Variants in ZCCHC17 observed in about 807,000 individuals in gnomAD.
The protein encoded by ZCCHC17 is zinc finger CCHC domain-containing protein 17.
A neutral mutation model predicts 30.6 loss-of-function variants in ZCCHC17; 18 were observed. That is an observed-to-expected ratio of 0.59 (90% CI 0.41 to 0.87). ZCCHC17 has a LOEUF of 0.87. Ranked by LOEUF, ZCCHC17 falls within the 40% of genes least tolerant of loss-of-function variation. The pLI is 0.00. For synonymous variants in ZCCHC17, 88 were observed against 92.4 expected, an observed-to-expected ratio of 0.95 and a Z score of 0.27; for missense variants, 263 against 284.2, an observed-to-expected ratio of 0.93 and a Z score of 0.54.
intron 3 of ZCCHC17, among the ~76,000 whole-genome samples, chr1:31,331,325 T>C (rs983778606): frequency 6.6e-6 from 1 of 151,818 alleles, no homozygotes; most frequent in Non-Finnish European, 1.5e-5. Context: ...ATTTTTTTTT[T>C]AGTAGAGACG....
At chr1:31,351,941 C>G (rs1035401176) in intron 7 of ZCCHC17, among the ~76,000 whole-genome samples, 1 of 152,194 alleles carries the variant, frequency 6.6e-6, no homozygotes, top group African/African-American at 2.4e-5. Context: ...ATCTGCATTG[C>G]TATTCTTGAC....
At chr1:31,346,609 G>A in intron 5 of ZCCHC17, 31 bp from the exon 6 acceptor site, 4 of 1,583,124 alleles carry the variant, frequency 2.5e-6, no homozygotes, top group Non-Finnish European at 2.6e-6. Context: ...TCTCTTAAGG[G>A]GGCCGGCAGT....
chr1:31,353,901 C>A (rs1224431830), intron 7 of ZCCHC17, among the ~76,000 whole-genome samples: 1 of 152,088 alleles, frequency 6.6e-6, no homozygotes, highest in Admixed American at 6.6e-5. Flanking sequence ...AATTGTGGAT[C>A]CTCCAGCTTT....
intron 6 of ZCCHC17, chr1:31,346,961 C>A: frequency 2.1e-6 from 2 of 933,648 alleles, no homozygotes; most frequent in Non-Finnish European, 1.6e-6. Context: ...ACCACTACCA[C>A]CACTCCTCCC....
chr1:31,298,800 A>T (rs1325102351), intron 1 of ZCCHC17, among the ~76,000 whole-genome samples: 1 of 152,204 alleles, frequency 6.6e-6, no homozygotes, highest in African/African-American at 2.4e-5. Flanking sequence ...GGAATATAAA[A>T]TTGGGCATAA....
At position 31,346,641 on chromosome 1, in the gene ZCCHC17, CA is replaced by C; in HGVS notation, c.321del (p.Glu108LysfsTer22). The C allele has an allele frequency of 1.9e-6, 3 of 1,607,530 alleles. No homozygotes were observed. Among genetic ancestry groups the C allele is most frequent in the Non-Finnish European group, 2.6e-6 (3 of 1,175,330 alleles). ...CAGTCGGTATCTTTTTCATTATAGG[CA>C]AGAAGAGAGGCGGAGGCGATCCTTC... is the stretch of plus-strand genomic sequence containing the variant. ...DLDPNNVIIE[Q>X]EERRRRSFQD... On this transcript the variant is annotated frameshift_variant and splice_region_variant, in exon 6 of 8. Coordinates refer to ENST00000344147, the MANE Select transcript of ZCCHC17 (RefSeq NM_016505.4). LOFTEE classifies it high-confidence loss of function.
intron 3 of ZCCHC17, among the ~76,000 whole-genome samples, chr1:31,325,669 C>T (rs1323139112): frequency 6.6e-6 from 1 of 152,208 alleles, no homozygotes; most frequent in Non-Finnish European, 1.5e-5. Context: ...GGATCTGGGA[C>T]GGCAGCATGA....
intron 2 of ZCCHC17, among the ~76,000 whole-genome samples, chr1:31,316,700 C>T (rs1194552990): frequency 6.6e-6 from 1 of 152,192 alleles, no homozygotes; most frequent in Non-Finnish European, 1.5e-5. Flanking sequence ...TCTCTGAAGT[C>T]ATTTCTTTGG....
At chr1:31,353,626 ACG>A (rs1489488534) in intron 7 of ZCCHC17, among the ~76,000 whole-genome samples, 2 of 152,100 alleles carry the variant, frequency 1.3e-5, no homozygotes, top group Non-Finnish European at 1.5e-5. Context: ...TTTAGCTCTT[ACG>A]TTTAGGTCTT....
chr1:31,359,220 G>A (rs1299616111), intron 7 of ZCCHC17, among the ~76,000 whole-genome samples: 2 of 152,064 alleles, frequency 1.3e-5, no homozygotes, highest in Non-Finnish European at 2.9e-5. Flanking sequence ...CCTGCCTTTA[G>A]AAAATTAAGT....
At chr1:31,342,518 G>A (rs1569879674) in intron 5 of ZCCHC17, among the ~76,000 whole-genome samples, 1 of 152,176 alleles carries the variant, frequency 6.6e-6, no homozygotes, top group African/African-American at 2.4e-5. Flanking sequence ...GGATGAAACC[G>A]TTCCACCTTA....
In ZCCHC17 at chr1:31,310,162, G is replaced by C; in HGVS notation, c.64G>C (p.Glu22Gln). The C allele has an allele frequency of 6.2e-7, 1 of 1,614,072 alleles. No homozygotes were observed. Among genetic ancestry groups the C allele is most frequent in the Non-Finnish European group, 8.5e-7 (1 of 1,179,978 alleles). ...TGCTCTCTACACTATTTTCCAAGGA[G>C]AGGTATATTCTTTTGTGCTTTGAAA... is the stretch of plus-strand genomic sequence containing the variant. ...LPALYTIFQG[E>Q]VAMVTDYGAF... Residue 22 changes from glutamate (E) to glutamine (Q), a missense_variant and splice_region_variant, in exon 2 of 8, where the codon GAG becomes CAG. By Grantham distance (29) the Glu-to-Gln change is conservative (BLOSUM62 2). Transcript: ENST00000344147.
intron 5 of ZCCHC17, among the ~76,000 whole-genome samples, chr1:31,343,969 C>A (rs1639147077): frequency 1.3e-5 from 2 of 151,120 alleles, no homozygotes; most frequent in Admixed American, 1.3e-4. Flanking sequence ...ATTCTCCTGC[C>A]TCAGCCTCCC....
At chr1:31,297,566 T>A (rs1034667625) in intron 1 of ZCCHC17, among the ~76,000 whole-genome samples, 1 of 152,216 alleles carries the variant, frequency 6.6e-6, no homozygotes, top group Non-Finnish European at 1.5e-5. Flanking sequence ...GTCGTCCTGC[T>A]GATATTCATT....
intron 1 of ZCCHC17, among the ~76,000 whole-genome samples, chr1:31,309,760 A>G (rs527993759): frequency 2.6e-4 from 39 of 152,152 alleles, no homozygotes; most frequent in African/African-American, 8.9e-4. Flanking sequence ...ACCCTCCCCC[A>G]AAATTCTTCC....
chr1:31,299,812 C>T (rs1448876820), intron 1 of ZCCHC17, among the ~76,000 whole-genome samples: 2 of 151,988 alleles, frequency 1.3e-5, no homozygotes, highest in African/African-American at 4.8e-5. Flanking sequence ...AATATAAAGA[C>T]AGAGTTAAAG....
chr1:31,361,249 A>G (rs973023551), intron 7 of ZCCHC17, among the ~76,000 whole-genome samples: 1 of 152,218 alleles, frequency 6.6e-6, no homozygotes, highest in Non-Finnish European at 1.5e-5. Context: ...GATGCCAAGG[A>G]AGAATTGTTA....
At chr1:31,359,403 C>A (rs953664259) in intron 7 of ZCCHC17, among the ~76,000 whole-genome samples, 3 of 152,074 alleles carry the variant, frequency 2.0e-5, no homozygotes, top group Admixed American at 2.0e-4. Context: ...CGCCTGTAGT[C>A]CCAGCTACTT....
At chr1:31,355,742 T>G (rs911316099) in intron 7 of ZCCHC17, among the ~76,000 whole-genome samples, 10 of 152,178 alleles carry the variant, frequency 6.6e-5, no homozygotes, top group Non-Finnish European at 1.5e-4. Flanking sequence ...TTTTGGTGGG[T>G]TTTTGTTTTG....
Sources: gnomAD v4.1 joint callset for allele counts (sites outside exome capture counted in the v4.1 genomes callset) on GRCh38, gnomAD v4.1.1 for gene constraint, MANE v1.5 for transcripts, NCBI Gene and HGNC (gene_info 2026-07-23, HGNC 2026-07-21) for gene names.